ANKUB1: variants seen among roughly 807,000 people sequenced by gnomAD.
ANKUB1 encodes the protein protein ANKUB1.
ANKUB1 carries 42 observed loss-of-function variants against 49.3 expected under a neutral mutation model. The observed-to-expected ratio is 0.85, with a 90% CI of 0.67 to 1.10. The LOEUF is 1.10. Among genes scored for constraint, ANKUB1 ranks in the 50% least tolerant of loss-of-function variants. The pLI is 0.00. For synonymous variants in ANKUB1, 222 were observed against 231.0 expected (o/e 0.96, Z 0.35); for missense variants, 613 against 642.0 (o/e 0.95, Z 0.49).
intron 3 of ANKUB1, 119 bp from the exon 4 acceptor site, chr3:149,770,793 A>T (rs1576671624): frequency 3.0e-5 from 19 of 629,388 alleles, no homozygotes; most frequent in Non-Finnish European, 5.2e-5. Context: ...AATGAAAAAT[A>T]ACCTTGGAAC....
At chr3:149,775,103 A>G (rs1440200928) in intron 3 of ANKUB1, among the ~76,000 whole-genome samples, 3 of 152,184 alleles carry the variant, frequency 2.0e-5, no homozygotes, top group Non-Finnish European at 2.9e-5. Context: ...CGTATCTACT[A>G]TGCCTAGGCC....
chr3:149,791,854 C>T (rs1165995952), intron 1 of ANKUB1, among the ~76,000 whole-genome samples: 1 of 152,148 alleles, frequency 6.6e-6, no homozygotes, highest in African/African-American at 2.4e-5. Context: ...TCTCTAAAGT[C>T]CTCTCTGCTT....
At chr3:149,782,383 C>A (rs1176844096) in intron 2 of ANKUB1, among the ~76,000 whole-genome samples, 3 of 151,972 alleles carry the variant, frequency 2.0e-5, no homozygotes, top group Non-Finnish European at 4.4e-5. Flanking sequence ...CCATTCCCAG[C>A]TCTCAAGTCA....
intron 3 of ANKUB1, among the ~76,000 whole-genome samples, chr3:149,774,839 A>C (rs1393011955): frequency 6.6e-6 from 1 of 152,174 alleles, no homozygotes; most frequent in East Asian, 1.9e-4. Context: ...TCTTTGTCAG[A>C]TGTTAAATTC....
intron 3 of ANKUB1, among the ~76,000 whole-genome samples, chr3:149,771,785 C>T (rs1717373453): frequency 6.6e-6 from 1 of 152,082 alleles, no homozygotes; most frequent in Admixed American, 6.5e-5. Flanking sequence ...GCTTCATTGA[C>T]CACCCAGGTG....
intron 1 of ANKUB1, among the ~76,000 whole-genome samples, chr3:149,791,860 T>G (rs1054273005): frequency 2.0e-5 from 3 of 152,236 alleles, no homozygotes; most frequent in Admixed American, 1.3e-4. Context: ...AAGTCCTCTC[T>G]GCTTCCAAAA....
Position 149,788,745 on chromosome 3 carries a change from C to T in ANKUB1, c.234+2036G>A, listed in dbSNP as rs529973558. ...GCATCTGGGGAGGGAAACTGGGGGCCAGAGAAGGGAGAGTTTTTTCTTTTT... is the reference window on the plus strand; with the variant it reads ...GCATCTGGGGAGGGAAACTGGGGGCTAGAGAAGGGAGAGTTTTTTCTTTTT... On this transcript the variant is annotated intron_variant, in intron 2 of 5. Coordinates refer to ENST00000446160, the MANE Select transcript of ANKUB1 (RefSeq NM_001144960.3). 3.7e-4 allele frequency among the ~76,000 whole-genome samples: 57 copies of T among 152,020 alleles called. 1 individual carries two copies. In the South Asian group the frequency reaches 0.011, roughly 31 times the overall value.
At position 149,768,114 on chromosome 3, in the gene ANKUB1, T is replaced by TGG. The variant is rs3839072; in HGVS notation, c.567-21_567-20dup. On this transcript the variant is annotated intron_variant, in intron 4 of 5. Coordinates refer to ENST00000446160, the MANE Select transcript of ANKUB1 (RefSeq NM_001144960.3). ...CTGATACCTAAATGAGTGAAACAAG[T>TGG]GGGGAGGGGGTGTTTAGAAAATCAG... 26 of 1,333,304 alleles carry TGG rather than the reference T, an allele frequency of 2.0e-5. No individual in the cohort carries two copies. Among genetic ancestry groups the TGG allele is most frequent in the Non-Finnish European group, 2.4e-5 (25 of 1,028,702 alleles). 82.6% of individuals were successfully genotyped at this position (1,333,304 alleles called of 1,614,324 possible).
intron 3 of ANKUB1, among the ~76,000 whole-genome samples, chr3:149,776,298 C>T (rs544211644): frequency 2.0e-5 from 3 of 152,244 alleles, no homozygotes; most frequent in African/African-American, 7.2e-5. Flanking sequence ...TTGACTCTTC[C>T]GTGTGCTTGC....
At chr3:149,774,389 C>CA (rs1717498344) in intron 3 of ANKUB1, among the ~76,000 whole-genome samples, 1 of 152,216 alleles carries the variant, frequency 6.6e-6, no homozygotes, top group Non-Finnish European at 1.5e-5. Flanking sequence ...TACCGACTGA[C>CA]AGCTGCAGAC....
intron 2 of ANKUB1, among the ~76,000 whole-genome samples, chr3:149,781,107 C>T (rs994960879): frequency 2.7e-5 from 4 of 150,698 alleles, no homozygotes; most frequent in South Asian, 2.1e-4. Flanking sequence ...ATTACAGGCG[C>T]GAGCCACTGC....
intron 2 of ANKUB1, among the ~76,000 whole-genome samples, chr3:149,787,186 T>A (rs1272693303): frequency 3.3e-5 from 5 of 152,218 alleles, no homozygotes; most frequent in Admixed American, 1.3e-4. Flanking sequence ...TTCACAATAT[T>A]GATTCTTCCT....
Position 149,788,416 on chromosome 3 carries a change from T to C in ANKUB1, c.234+2365A>G, listed in dbSNP as rs571065272. ...TTTTTTTTTTGAGACAGGGTCTCAC[T>C]CTCTTGCACAGGCTGGGTTCAATTG... On this transcript the variant is annotated intron_variant, in intron 2 of 5. Coordinates refer to ENST00000446160, the MANE Select transcript of ANKUB1 (RefSeq NM_001144960.3). 1.8e-4 allele frequency among the ~76,000 whole-genome samples: 27 copies of C among 151,978 alleles called. 1 individual carries two copies. The South Asian group carries it at 5.6e-3, about 32-fold the overall frequency.
At chr3:149,775,294 T>A (rs1462484856) in intron 3 of ANKUB1, among the ~76,000 whole-genome samples, 1 of 152,182 alleles carries the variant, frequency 6.6e-6, no homozygotes, top group Non-Finnish European at 1.5e-5. Context: ...GGTTTGAGCT[T>A]CCTGTGATGG....
chr3:149,776,804 T>TACACACAC (rs35734266), intron 3 of ANKUB1, among the ~76,000 whole-genome samples: 8 of 149,606 alleles, frequency 5.3e-5, no homozygotes, highest in African/African-American at 2.0e-4. Flanking sequence ...CTATAAAAAA[T>TACACACAC]ACACACACAC....
chr3:149,768,136 T>C, intron 4 of ANKUB1, 41 bp from the exon 5 acceptor site: 10 of 1,271,470 alleles, frequency 7.9e-6, no homozygotes, highest in Non-Finnish European at 1.0e-5. Context: ...GTTTAGAAAA[T>C]CAGCAAACAG....
At position 149,761,306 on chromosome 3, in the gene ANKUB1, T is replaced by G; in HGVS notation, c.*178A>C. The G allele has an allele frequency of 1.5e-6, 1 of 666,552 alleles. No individual in the cohort carries two copies. Among genetic ancestry groups the G allele is most frequent in the Non-Finnish European group, 2.3e-6 (1 of 435,522 alleles). The allele number at this position is 666,552 out of a possible 1,614,324, so 41.3% of individuals were successfully genotyped here. On this transcript the variant is annotated 3_prime_UTR_variant, in exon 6 of 6. Transcript: ENST00000446160. ...CTTTATGCAAAAATAGCACTAAAGTTTCACTTAGTGTGATGAAGTCTGAGA... is the reference window on the plus strand; with the variant it reads ...CTTTATGCAAAAATAGCACTAAAGTGTCACTTAGTGTGATGAAGTCTGAGA...
chr3:149,784,932 A>G (rs1718026950), intron 2 of ANKUB1, among the ~76,000 whole-genome samples: 1 of 152,184 alleles, frequency 6.6e-6, no homozygotes, highest in African/African-American at 2.4e-5. Context: ...TGTACAGCCT[A>G]CTATATATCT....
chr3:149,781,846 G>C (rs1321656717), intron 2 of ANKUB1, among the ~76,000 whole-genome samples: 1 of 152,190 alleles, frequency 6.6e-6, no homozygotes, highest in East Asian at 1.9e-4. Context: ...CTCTGTGGCT[G>C]TGCATGAAGC....
Sources: gnomAD v4.1 joint callset for allele counts (sites outside exome capture counted in the v4.1 genomes callset) on GRCh38, gnomAD v4.1.1 for gene constraint, MANE v1.5 for transcripts, NCBI Gene and HGNC (gene_info 2026-07-23, HGNC 2026-07-21) for gene names.